Variants in SNAP25 observed in about 807,000 individuals in gnomAD.
SNAP25 encodes the protein synaptosomal-associated protein 25.
A neutral mutation model predicts 28.7 loss-of-function variants in SNAP25; 3 were observed. The ratio of observed to expected loss-of-function variants is 0.10; its 90% CI spans 0.05 to 0.27. The LOEUF is 0.27. SNAP25 is among the 10% of genes least tolerant of loss of function. The pLI, the probability that SNAP25 is intolerant of heterozygous loss-of-function variation, is 1.00. For missense variants in SNAP25, 117 were observed against 278.7 expected, an observed-to-expected ratio of 0.42 and a Z score of 4.13; for synonymous variants, 61 against 88.1, an observed-to-expected ratio of 0.69 and a Z score of 1.72.
At chr20:10,296,679 C>G (rs2064117417) in intron 5 of SNAP25, 1 of 476,516 alleles carries the variant, frequency 2.1e-6, no homozygotes, top group African/African-American at 2.0e-5. Flanking sequence ...CAAACCAAAA[C>G]AAGAACAACC....
intron 1 of SNAP25, among the ~76,000 whole-genome samples, chr20:10,224,284 T>TC (rs2062693742): frequency 7.6e-6 from 1 of 131,226 alleles, no homozygotes; most frequent in Admixed American, 7.7e-5. Flanking sequence ...TTTTTTTTTT[T>TC]TTTTTTTTGC....
Position 10,306,058 on chromosome 20 carries a change from A to G in SNAP25, c.553-71A>G, listed in dbSNP as rs2064352347. 5 of 1,455,200 alleles carry G rather than the reference A, an allele frequency of 3.4e-6. No individual in the cohort carries two copies. In the Admixed American group the frequency reaches 8.6e-5, roughly 25 times the overall value. 90.1% of individuals were successfully genotyped at this position (1,455,200 alleles called of 1,614,324 possible). A position where few individuals can be genotyped will look rare whatever the true frequency, so the allele number is the denominator to read the frequency against. ...GGTTTCACCCAAGAGGAAGCATTGG[A>G]CCCGGACCCAGAAGGGTGAATGGAT... On this transcript the variant is annotated intron_variant, in intron 7 of 7. Coordinates refer to ENST00000254976, the MANE Select transcript of SNAP25 (RefSeq NM_130811.4).
At chr20:10,261,579 T>C (rs1257826319) in intron 1 of SNAP25, among the ~76,000 whole-genome samples, 1 of 152,230 alleles carries the variant, frequency 6.6e-6, no homozygotes, top group Non-Finnish European at 1.5e-5. Context: ...AAATTTGCAA[T>C]ATACATTTTA....
intron 3 of SNAP25, among the ~76,000 whole-genome samples, chr20:10,282,611 A>T (rs2063801238): frequency 6.6e-6 from 1 of 152,246 alleles, no homozygotes; most frequent in African/African-American, 2.4e-5. Flanking sequence ...GTGTAAACAG[A>T]TGAGGGCTGG....
intron 1 of SNAP25, among the ~76,000 whole-genome samples, chr20:10,226,651 C>G (rs2062739030): frequency 6.6e-6 from 1 of 152,046 alleles, no homozygotes; most frequent in African/African-American, 2.4e-5. Flanking sequence ...CTATGGCTCT[C>G]TAATCAAAAT....
chr20:10,279,580 TG>T (rs1327688970), intron 3 of SNAP25, among the ~76,000 whole-genome samples: 2 of 152,228 alleles, frequency 1.3e-5, no homozygotes, highest in African/African-American at 4.8e-5. Flanking sequence ...CACTTTTTCA[TG>T]TATCGTCTTA....
chr20:10,284,691 C>T, intron 3 of SNAP25, 33 bp from the exon 4 acceptor site: 1 of 1,577,792 alleles, frequency 6.3e-7, no homozygotes, highest in South Asian at 1.1e-5. Context: ...TCTCTAACTC[C>T]TTTTCAACTT....
chr20:10,239,857 C>T (rs916411290), intron 1 of SNAP25, among the ~76,000 whole-genome samples: 1 of 152,110 alleles, frequency 6.6e-6, no homozygotes, highest in African/African-American at 2.4e-5. Flanking sequence ...GGGTAGAAGC[C>T]CCCTGACTTT....
intron 1 of SNAP25, among the ~76,000 whole-genome samples, chr20:10,220,852 T>C (rs2062618982): frequency 6.6e-6 from 1 of 152,218 alleles, no homozygotes; most frequent in Non-Finnish European, 1.5e-5. Context: ...GACACTAAAA[T>C]TCCCTGTCCA....
intron 1 of SNAP25, among the ~76,000 whole-genome samples, chr20:10,269,856 C>G (rs901598008): frequency 6.6e-6 from 1 of 152,344 alleles, no homozygotes; most frequent in Non-Finnish European, 1.5e-5. Context: ...AAACCATCCT[C>G]AGCTCAAGGC....
intron 7 of SNAP25, among the ~76,000 whole-genome samples, chr20:10,304,218 G>A (rs1035373830): frequency 6.6e-6 from 1 of 152,180 alleles, no homozygotes; most frequent in Non-Finnish European, 1.5e-5. Flanking sequence ...GATCGTTTCT[G>A]ACTGCTTTTC....
At chr20:10,247,503 G>T (rs1478887796) in intron 1 of SNAP25, among the ~76,000 whole-genome samples, 1 of 152,206 alleles carries the variant, frequency 6.6e-6, no homozygotes, top group Non-Finnish European at 1.5e-5. Flanking sequence ...ATCATTGGTT[G>T]TTCCTGAGAT....
chr20:10,236,575 A>C (rs1375927124), intron 1 of SNAP25, among the ~76,000 whole-genome samples: 1 of 152,146 alleles, frequency 6.6e-6, no homozygotes, highest in Non-Finnish European at 1.5e-5. Context: ...AGCTACCCAT[A>C]ATGTTAAAAA....
chr20:10,283,664 G>C (rs1007459476), intron 3 of SNAP25, among the ~76,000 whole-genome samples: 2 of 152,188 alleles, frequency 1.3e-5, no homozygotes, highest in Non-Finnish European at 2.9e-5. Context: ...GCCTCCACTA[G>C]TATCTCTCTC....
chr20:10,246,655 A>ACC (rs2063134353), intron 1 of SNAP25, among the ~76,000 whole-genome samples: 1 of 152,148 alleles, frequency 6.6e-6, no homozygotes, highest in East Asian at 1.9e-4. Flanking sequence ...ACTTCCCACC[A>ACC]AATTGCCACC....
chr20:10,232,196 A>C (rs890956633), intron 1 of SNAP25, among the ~76,000 whole-genome samples: 2 of 152,192 alleles, frequency 1.3e-5, no homozygotes, highest in Non-Finnish European at 2.9e-5. Flanking sequence ...AAACATACAC[A>C]TGCGATTTGT....
At chr20:10,222,201 T>A (rs2062646883) in intron 1 of SNAP25, among the ~76,000 whole-genome samples, 1 of 152,184 alleles carries the variant, frequency 6.6e-6, no homozygotes, top group South Asian at 2.1e-4. Context: ...GCAATCTTAA[T>A]AAAAGCAATA....
intron 1 of SNAP25, among the ~76,000 whole-genome samples, chr20:10,257,882 C>CAAA (rs57183397): frequency 1.2e-4 from 10 of 84,180 alleles, no homozygotes; most frequent in African/African-American, 1.8e-4. Flanking sequence ...GACTCTGTCT[C>CAAA]AAAAAAAAAA....
intron 1 of SNAP25, among the ~76,000 whole-genome samples, chr20:10,266,304 G>A (rs923431944): frequency 6.6e-6 from 1 of 152,076 alleles, no homozygotes; most frequent in Admixed American, 6.6e-5. Context: ...TGCATCTTAC[G>A]GTTGCATTCT....
Sources: gnomAD v4.1 joint callset for allele counts (sites outside exome capture counted in the v4.1 genomes callset) on GRCh38, gnomAD v4.1.1 for gene constraint, MANE v1.5 for transcripts, NCBI Gene and HGNC (gene_info 2026-07-23, HGNC 2026-07-21) for gene names.